Variants in MAP1B observed in about 807,000 individuals in gnomAD.
MAP1B encodes the protein microtubule associated protein 1B, also known as microtubule-associated protein 1B.
MAP1B carries 12 observed loss-of-function variants against 176.1 expected under a neutral mutation model. The ratio of observed to expected loss-of-function variants is 0.07; its 90% CI spans 0.04 to 0.11. The LOEUF (loss-of-function observed/expected upper bound fraction) is 0.11, where lower values mean the gene tolerates loss of function less well. MAP1B is among the 10% of genes least tolerant of loss of function. MAP1B has a pLI of 1.00. For missense variants in MAP1B, 2,523 were observed against 2,990.5 expected, an observed-to-expected ratio of 0.84 and a Z score of 3.65; for synonymous variants, 1,044 against 1,135.0, an observed-to-expected ratio of 0.92 and a Z score of 1.61.
rs574176265 is a variant in MAP1B at position 72,147,239 on chromosome 5, G to A, written c.286+31440G>A. Among the ~76,000 whole-genome samples, 195 of 152,100 alleles carry A rather than the reference G, an allele frequency of 1.3e-3. 1 individual carries two copies. Among genetic ancestry groups the A allele is most frequent in the African/African-American group, 4.2e-3 (174 of 41,510 alleles). On this transcript the variant is annotated intron_variant, in intron 2 of 6. Transcript: ENST00000296755. ...TCACCTCGGCCTCCCAAAGTGCTGG[G>A]ATTACAGGCGTGAGCCACTGTTTCT...
chr5:72,163,759 G>A (rs1405011387), intron 2 of MAP1B, among the ~76,000 whole-genome samples: 1 of 152,066 alleles, frequency 6.6e-6, no homozygotes. Flanking sequence ...ATCTTGCTGT[G>A]TGACTTCGGA....
chr5:72,174,255 A>G (rs1272405581), intron 2 of MAP1B, among the ~76,000 whole-genome samples: 1 of 152,228 alleles, frequency 6.6e-6, no homozygotes, highest in East Asian at 1.9e-4. Flanking sequence ...TTGTCCATCT[A>G]TAAAATAGCA....
chr5:72,123,274 CAAAG>C (rs1431850606), intron 2 of MAP1B, among the ~76,000 whole-genome samples: 2 of 152,138 alleles, frequency 1.3e-5, no homozygotes, highest in Non-Finnish European at 2.9e-5. Context: ...TGTTTCTCAA[CAAAG>C]AAAGAGAGTT....
In MAP1B at chr5:72,198,950, T is replaced by C; in HGVS notation, c.5595T>C (p.Pro1865=). The C allele has an allele frequency of 6.2e-7, 1 of 1,614,182 alleles. No homozygotes were observed. Among genetic ancestry groups the C allele is most frequent in the East Asian group, 2.2e-5 (1 of 44,884 alleles). ...GLEKDSGGKT[P]GDFSYAYQKP... is the part of the protein sequence containing the mutation. ...AGAAGGACAGTGGAGGGAAGACACC[T>C]GGTGACTTTAGCTATGCCTATCAAA... The change falls in exon 5 of 7, where the codon CCT becomes CCC. Residue 1865 remains proline (P), a synonymous_variant. Transcript: ENST00000296755.
At chr5:72,163,114 G>A (rs1479649159) in intron 2 of MAP1B, among the ~76,000 whole-genome samples, 1 of 151,164 alleles carries the variant, frequency 6.6e-6, no homozygotes, top group African/African-American at 2.4e-5. Context: ...TATAGTCCCA[G>A]CTACTTGGGA....
intron 2 of MAP1B, among the ~76,000 whole-genome samples, chr5:72,157,807 A>T (rs1336971278): frequency 6.6e-6 from 1 of 152,216 alleles, no homozygotes; most frequent in Non-Finnish European, 1.5e-5. Flanking sequence ...CAGGCAAAGC[A>T]GTTTCAGTAA....
intron 2 of MAP1B, among the ~76,000 whole-genome samples, chr5:72,153,099 A>G (rs1323391596): frequency 2.0e-5 from 3 of 152,228 alleles, no homozygotes; most frequent in African/African-American, 7.2e-5. Context: ...CGACCCGACT[A>G]TAGTCAAGTA....
intron 2 of MAP1B, among the ~76,000 whole-genome samples, chr5:72,142,925 T>C (rs1357637303): frequency 6.6e-6 from 1 of 152,284 alleles, no homozygotes; most frequent in East Asian, 1.9e-4. Context: ...AGTCAAGATA[T>C]AATCATTCTT....
rs544529675 is a variant in MAP1B at position 72,171,820 on chromosome 5, G to A, written c.287-11923G>A. Among the ~76,000 whole-genome samples the A allele has an allele frequency of 3.9e-5, 6 of 152,294 alleles. No individual in the cohort carries two copies. In the South Asian group the frequency reaches 1.0e-3, roughly 26 times the overall value. ...GAACCAAGGTCACTGGGAACCGGGT[G>A]TGCTGTTCTGGGCAGCTAGGCATCC... On this transcript the variant is annotated intron_variant, in intron 2 of 6. Coordinates refer to ENST00000296755, the MANE Select transcript of MAP1B (RefSeq NM_005909.5).
At chr5:72,133,885 A>G (rs1745782975) in intron 2 of MAP1B, among the ~76,000 whole-genome samples, 1 of 152,236 alleles carries the variant, frequency 6.6e-6, no homozygotes, top group Admixed American at 6.5e-5. Context: ...TAGCATTATC[A>G]GTTCTCTATA....
chr5:72,155,421 A>G (rs1746210363), intron 2 of MAP1B, among the ~76,000 whole-genome samples: 1 of 152,246 alleles, frequency 6.6e-6, no homozygotes, highest in African/African-American at 2.4e-5. Flanking sequence ...TTATAGTTTT[A>G]TGTATTCCCG....
intron 1 of MAP1B, among the ~76,000 whole-genome samples, chr5:72,111,644 CAGAT>C (rs1745343471): frequency 6.6e-6 from 1 of 152,144 alleles, no homozygotes; most frequent in African/African-American, 2.4e-5. Context: ...AAGTCGAAGA[CAGAT>C]GGATTTCTGC....
intron 2 of MAP1B, among the ~76,000 whole-genome samples, chr5:72,130,197 T>C (rs1351643655): frequency 6.9e-6 from 1 of 145,080 alleles, no homozygotes; most frequent in Non-Finnish European, 1.5e-5. Context: ...AAAAAAAAAA[T>C]GAACAAACAA....
intron 2 of MAP1B, among the ~76,000 whole-genome samples, chr5:72,153,898 TC>T (rs1746185830): frequency 6.6e-6 from 1 of 151,802 alleles, no homozygotes; most frequent in South Asian, 2.1e-4. Flanking sequence ...TTTAGGATGT[TC>T]ATTTAAAAAA....
Position 72,208,886 on chromosome 5 carries a change from T to A in MAP1B, c.*3647T>A, listed in dbSNP as rs1287871184. 2.6e-5 allele frequency: 4 copies of A among 151,838 alleles called. No individual in the cohort carries two copies. The highest frequency in any genetic ancestry group is 9.7e-5 in the African/African-American group (4 of 41,126). The allele number at this position is 151,838 out of a possible 1,614,324, so 9.4% of individuals were successfully genotyped here. ...TCAGTAATGATATTGTGAGTTAGGA[T>A]AATAACTTTTTTTTTTTGTGCTTCA... On this transcript the variant is annotated 3_prime_UTR_variant, in exon 7 of 7. Coordinates refer to ENST00000296755, the MANE Select transcript of MAP1B (RefSeq NM_005909.5).
At chr5:72,121,373 A>AT (rs1745527214) in intron 2 of MAP1B, among the ~76,000 whole-genome samples, 2 of 152,220 alleles carry the variant, frequency 1.3e-5, no homozygotes, top group African/African-American at 4.8e-5. Context: ...ATATATTTAC[A>AT]TTTTGTCACT....
chr5:72,138,725 G>A (rs1445675586), intron 2 of MAP1B, among the ~76,000 whole-genome samples: 1 of 152,198 alleles, frequency 6.6e-6, no homozygotes, highest in African/African-American at 2.4e-5. Flanking sequence ...CTTTACTGAT[G>A]TGTAATGTTG....
rs1390454075 is a variant in MAP1B, at chr5:72,205,838, T to TA, written c.*601dup. The TA allele has an allele frequency of 1.3e-5, 2 of 152,274 alleles. No homozygotes were observed. Among genetic ancestry groups the TA allele is most frequent in the Non-Finnish European group, 2.9e-5 (2 of 68,064 alleles). The allele number at this position is 152,274 out of a possible 1,614,324, so 9.4% of individuals were successfully genotyped here. Reference sequence around the variant, plus strand: ...CAGTCTGAGTCATCAAAAAGAGTCTTAATTTTCTAAAACAAGTTGGCTAGA... The same window carrying TA: ...CAGTCTGAGTCATCAAAAAGAGTCTTAAATTTTCTAAAACAAGTTGGCTAGA... On this transcript the variant is annotated 3_prime_UTR_variant, in exon 7 of 7. Coordinates refer to ENST00000296755, the MANE Select transcript of MAP1B (RefSeq NM_005909.5).
At chr5:72,172,459 C>G (rs1746564767) in intron 2 of MAP1B, among the ~76,000 whole-genome samples, 1 of 151,784 alleles carries the variant, frequency 6.6e-6, no homozygotes, top group Non-Finnish European at 1.5e-5. Context: ...AGCCAAATAC[C>G]AAAAAAGACT....
Sources: gnomAD v4.1 joint callset for allele counts (sites outside exome capture counted in the v4.1 genomes callset) on GRCh38, gnomAD v4.1.1 for gene constraint, MANE v1.5 for transcripts, NCBI Gene and HGNC (gene_info 2026-07-23, HGNC 2026-07-21) for gene names.